ZNF608: variants seen among roughly 807,000 people sequenced by gnomAD.
ZNF608 encodes the protein zinc finger protein 608.
In ZNF608, 12 loss-of-function variants were observed where a neutral mutation model predicts 109.0. That is an observed-to-expected ratio of 0.11 (90% CI 0.07 to 0.18). The LOEUF (loss-of-function observed/expected upper bound fraction) is 0.18. Among genes scored for constraint, ZNF608 ranks in the 10% least tolerant of loss-of-function variants. ZNF608 has a pLI of 1.00. For missense variants in ZNF608, 1,707 were observed against 1,879.3 expected (o/e 0.91, Z 1.70); for synonymous variants, 732 against 717.4 (o/e 1.02, Z -0.33).
intron 3 of ZNF608, among the ~76,000 whole-genome samples, chr5:124,683,468 C>A (rs892284019): frequency 1.3e-5 from 2 of 152,060 alleles, no homozygotes; most frequent in African/African-American, 4.8e-5. Flanking sequence ...TAAATCATCA[C>A]CTTCCATAAT....
intron 3 of ZNF608, among the ~76,000 whole-genome samples, chr5:124,656,516 G>A (rs747844314): frequency 6.6e-6 from 1 of 152,008 alleles, no homozygotes; most frequent in Non-Finnish European, 1.5e-5. Flanking sequence ...GGGTAGTTAC[G>A]ATTCTTGGTT....
intron 2 of ZNF608, among the ~76,000 whole-genome samples, chr5:124,703,922 C>T (rs1753158253): frequency 6.6e-6 from 1 of 152,198 alleles, no homozygotes; most frequent in Non-Finnish European, 1.5e-5. Flanking sequence ...ACACCCCTCT[C>T]TCTCTCTCTC....
chr5:124,689,003 A>G (rs577375001), intron 3 of ZNF608, among the ~76,000 whole-genome samples: 4 of 152,370 alleles, frequency 2.6e-5, no homozygotes, highest in South Asian at 4.1e-4. Context: ...AATAATAAGT[A>G]GAATTTGAAA....
chr5:124,656,830 ACACACACAC>A (rs1751032804), intron 3 of ZNF608, among the ~76,000 whole-genome samples: 1 of 150,872 alleles, frequency 6.6e-6, no homozygotes, highest in Non-Finnish European at 1.5e-5. Context: ...ACACACACAC[ACACACACAC>A]ACACACACAC....
chr5:124,738,469 A>G (rs1415811915), intron 2 of ZNF608, among the ~76,000 whole-genome samples: 1 of 152,208 alleles, frequency 6.6e-6, no homozygotes, highest in Non-Finnish European at 1.5e-5. Flanking sequence ...GTGCTGCAGT[A>G]ATTACTATGA....
At position 124,644,373 on chromosome 5, in the gene ZNF608, C is replaced by T; in HGVS notation, c.3994G>A (p.Val1332Ile). The stretch of plus-strand genomic sequence containing the variant: ...TGATGCTGACTCATGGGTGAGGAGA[C>T]AGCCACTCTTGTTCCCCGAGAGTCC... ...WKDSRGTRVA[V>I]SSPMSQHQSY... is the part of the protein sequence containing the mutation. Residue 1332 changes from valine to isoleucine, a missense_variant, in exon 6 of 10, where the codon GTC becomes ATC. By Grantham distance (29) the Val-to-Ile change is conservative (BLOSUM62 3). Coordinates refer to ENST00000513986, the MANE Select transcript of ZNF608 (RefSeq NM_020747.3). 1 of 1,614,160 alleles carries T rather than the reference C, an allele frequency of 6.2e-7. No individual in the cohort carries two copies. The highest frequency in any genetic ancestry group is 8.5e-7 in the Non-Finnish European group (1 of 1,180,034).
intron 2 of ZNF608, among the ~76,000 whole-genome samples, chr5:124,729,881 G>A (rs1254136482): frequency 2.0e-5 from 3 of 152,146 alleles, no homozygotes; most frequent in Non-Finnish European, 2.9e-5. Flanking sequence ...TATGCTCAGT[G>A]CTAGGATTTA....
chr5:124,639,430 C>T (rs1209788525), intron 8 of ZNF608, among the ~76,000 whole-genome samples: 2 of 152,146 alleles, frequency 1.3e-5, no homozygotes, highest in Non-Finnish European at 2.9e-5. Context: ...AATAGCTATT[C>T]GAAGGAGATA....
Position 124,736,918 on chromosome 5 carries a change from G to A in ZNF608, c.906+7166C>T, listed in dbSNP as rs181614347. Among the ~76,000 whole-genome samples, 18 of 152,222 alleles carry A rather than the reference G, an allele frequency of 1.2e-4. No individual in the cohort carries two copies. The East Asian group carries it at 2.5e-3, about 21-fold the overall frequency. On this transcript the variant is annotated intron_variant, in intron 2 of 9. Coordinates refer to ENST00000513986, the MANE Select transcript of ZNF608 (RefSeq NM_020747.3). ...CTGCCACATGACAAAAACCAGAATC[G>A]AGTTGACTGGTAGAAGATCAGTGCA... is the stretch of plus-strand genomic sequence containing the variant.
At chr5:124,682,813 C>T (rs891046148) in intron 3 of ZNF608, among the ~76,000 whole-genome samples, 4 of 152,190 alleles carry the variant, frequency 2.6e-5, no homozygotes, top group African/African-American at 9.6e-5. Flanking sequence ...TGAATATTGG[C>T]CTAACCATAA....
At chr5:124,729,756 A>C (rs574452603) in intron 2 of ZNF608, among the ~76,000 whole-genome samples, 2 of 152,312 alleles carry the variant, frequency 1.3e-5, no homozygotes, top group Non-Finnish European at 2.9e-5. Flanking sequence ...CACTCCCCCA[A>C]AGGGTACTTT....
At chr5:124,641,023 C>T (rs904960668) in intron 8 of ZNF608, among the ~76,000 whole-genome samples, 9 of 152,208 alleles carry the variant, frequency 5.9e-5, no homozygotes, top group South Asian at 2.1e-4. Flanking sequence ...AGTAAGCTGC[C>T]GATAACATCA....
chr5:124,746,937 C>CGGGGCGGGGGGCGGGGGGCTT (rs1749660216), upstream of ZNF608: 1 of 36,754 alleles, frequency 2.7e-5, no homozygotes, highest in African/African-American at 1.3e-4. Context: ...AGCATTCGCT[C>CGGGGCGGGGGGCGGGGGGCTT]GGGGCGGGGG....
At chr5:124,729,651 ATG>A (rs1420196411) in intron 2 of ZNF608, among the ~76,000 whole-genome samples, 3 of 152,216 alleles carry the variant, frequency 2.0e-5, no homozygotes, top group African/African-American at 7.2e-5. Flanking sequence ...ATATATATCT[ATG>A]TGTGTTTATA....
intron 3 of ZNF608, among the ~76,000 whole-genome samples, chr5:124,679,109 T>C (rs1752083657): frequency 6.6e-6 from 1 of 152,216 alleles, no homozygotes; most frequent in Non-Finnish European, 1.5e-5. Context: ...AGGCTTCTTT[T>C]CACTCCAGCA....
At chr5:124,740,471 C>T (rs572538665) in intron 2 of ZNF608, among the ~76,000 whole-genome samples, 1 of 148,840 alleles carries the variant, frequency 6.7e-6, no homozygotes, top group South Asian at 2.1e-4. Context: ...ACAGTAGATA[C>T]ACTACACTCT....
intron 2 of ZNF608, among the ~76,000 whole-genome samples, chr5:124,740,473 C>T (rs1436527925): frequency 1.3e-5 from 2 of 149,780 alleles, no homozygotes; most frequent in Non-Finnish European, 3.0e-5. Context: ...AGTAGATACA[C>T]TACACTCTAG....
Position 124,701,195 on chromosome 5 carries a change from G to A in ZNF608, c.981C>T (p.Ser327=). The part of the protein sequence containing the change: ...SSSLTPQILP[S]YFSPSSSNIA... ...TATTGGATGAAGATGGGGAAAAGTA[G>A]GAGGGTAGAATCTGAGGCGTGAGAC... is the stretch of plus-strand genomic sequence containing the variant. The change falls in exon 3 of 10, where the codon TCC becomes TCT. Residue 327 remains serine, a synonymous_variant. Coordinates refer to ENST00000513986, the MANE Select transcript of ZNF608 (RefSeq NM_020747.3). 6.2e-7 allele frequency: 1 copy of A among 1,614,120 alleles called. No individual in the cohort carries two copies. Among genetic ancestry groups the A allele is most frequent in the Non-Finnish European group, 8.5e-7 (1 of 1,180,014 alleles).
intron 3 of ZNF608, among the ~76,000 whole-genome samples, chr5:124,685,920 C>A (rs891595535): frequency 2.0e-5 from 3 of 152,158 alleles, no homozygotes; most frequent in Non-Finnish European, 4.4e-5. Context: ...TAAATCACAG[C>A]CTCAAATACT....
Sources: allele counts gnomAD v4.1 joint callset (sites outside exome capture counted in the v4.1 genomes callset), GRCh38; gene constraint gnomAD v4.1.1; transcripts MANE v1.5; gene names NCBI Gene and HGNC (gene_info 2026-07-23, HGNC 2026-07-21).